The following ENPP2 variants were observed in gnomAD, a reference collection of about 807,000 sequenced individuals.
ENPP2 encodes autotaxin.
Under a neutral mutation model 120.2 loss-of-function variants are expected in ENPP2, and 51 were observed. That is an observed-to-expected ratio of 0.42 (90% CI 0.34 to 0.54). ENPP2 has a LOEUF of 0.54. Ranked by LOEUF, ENPP2 falls within the 20% of genes least tolerant of loss-of-function variation. The probability of loss-of-function intolerance (pLI) is 0.04; values close to 1 mark genes in which losing one functional copy is unlikely to be tolerated. For synonymous variants in ENPP2, 365 were observed against 366.4 expected (o/e 1.00, Z 0.04); for missense variants, 920 against 1,066.5 (o/e 0.86, Z 1.91).
chr8:119,603,101 C>T (rs897928482), intron 9 of ENPP2, among the ~76,000 whole-genome samples: 1 of 152,102 alleles, frequency 6.6e-6, no homozygotes, highest in African/African-American at 2.4e-5. Context: ...ATCACTATAT[C>T]CTATAATTGA....
chr8:119,641,137 A>T (rs1336533554), upstream of ENPP2, among the ~76,000 whole-genome samples: 1 of 152,208 alleles, frequency 6.6e-6, no homozygotes, highest in Non-Finnish European at 1.5e-5. Flanking sequence ...ATGAACACAT[A>T]CACGCACACA....
At chr8:119,618,531 G>A in intron 5 of ENPP2, 1 of 332,388 alleles carries the variant, frequency 3.0e-6, no homozygotes, top group Non-Finnish European at 5.8e-6. Flanking sequence ...GAAGCCAGAT[G>A]TCCCACTGCC....
At position 119,638,443 on chromosome 8, in the gene ENPP2, C is replaced by G; in HGVS notation, c.118G>C (p.Glu40Gln). The change falls in exon 2 of 25, where the codon GAG becomes CAG. Residue 40 changes from glutamate (E) to glutamine (Q), a missense_variant. By Grantham distance (29) the Glu-to-Gln change is conservative. Transcript: ENST00000075322. ...CACTTACCTGTAGGAGGACCTTCCT[C>G]CCATCCTTCTGCTCTCTTAATTCGA... ...AHRIKRAEGWEEGPPTVLSDS... is the reference protein window; with the variant it reads ...AHRIKRAEGWQEGPPTVLSDS... 1.9e-6 allele frequency: 3 copies of G among 1,601,536 alleles called. No homozygotes were observed. The highest frequency in any genetic ancestry group is 1.3e-5 in the African/African-American group (1 of 74,754).
chr8:119,666,021 T>C (rs1234578164), intron 1 of ENPP2, among the ~76,000 whole-genome samples: 1 of 152,238 alleles, frequency 6.6e-6, no homozygotes, highest in Non-Finnish European at 1.5e-5. Flanking sequence ...TTGAAGATTA[T>C]GTTTTTGAAA....
chr8:119,606,262 G>A (rs757389627), intron 9 of ENPP2, among the ~76,000 whole-genome samples: 5 of 152,152 alleles, frequency 3.3e-5, no homozygotes, highest in Admixed American at 6.5e-5. Context: ...GAAAGCTACA[G>A]ACATCTTTGG....
At chr8:119,585,117 G>A (rs1230618803) in intron 15 of ENPP2, among the ~76,000 whole-genome samples, 1 of 152,054 alleles carries the variant, frequency 6.6e-6, no homozygotes, top group Non-Finnish European at 1.5e-5. Context: ...CCCCTTCCAA[G>A]CTGCCCCATA....
chr8:119,603,540 C>G (rs1361640833), intron 9 of ENPP2, among the ~76,000 whole-genome samples: 4 of 152,108 alleles, frequency 2.6e-5, no homozygotes. Context: ...GGCAAGTTAT[C>G]TAAACTTTTG....
chr8:119,648,636 G>A (rs1221071137), intron 1 of ENPP2, among the ~76,000 whole-genome samples: 2 of 152,216 alleles, frequency 1.3e-5, no homozygotes, highest in Non-Finnish European at 2.9e-5. Context: ...AACTCTCTCA[G>A]GGAGGAAGCA....
intron 19 of ENPP2, chr8:119,571,138 T>C (rs1265213012): frequency 2.5e-5 from 5 of 196,700 alleles, no homozygotes; most frequent in African/African-American, 6.9e-5. Context: ...CATTATGTAA[T>C]AAATTTTGAA....
rs570811442 is a variant in ENPP2, at chr8:119,650,492, A to G, written c.22-11965T>C. Reference sequence around the variant, plus strand: ...TATAATATATAAATTATATCCCAAAAAAGCTATTTTAAAAAAGAACCGAGA... The same window carrying G: ...TATAATATATAAATTATATCCCAAAGAAGCTATTTTAAAAAAGAACCGAGA... On this transcript the variant is annotated intron_variant, in intron 1 of 25. Transcript: ENST00000427067. Among the ~76,000 whole-genome samples, 299 of 152,324 alleles carry G rather than the reference A, an allele frequency of 2.0e-3. 1 individual carries two copies. The highest frequency in any genetic ancestry group is 6.9e-3 in the African/African-American group (288 of 41,576).
intron 19 of ENPP2, among the ~76,000 whole-genome samples, chr8:119,577,527 G>C (rs944311118): frequency 1.3e-5 from 2 of 152,224 alleles, no homozygotes; most frequent in Non-Finnish European, 2.9e-5. Flanking sequence ...ACAGCGATAG[G>C]AGAGAGCAAC....
intron 4 of ENPP2, 94 bp from the exon 5 acceptor site, chr8:119,619,398 C>T: frequency 3.7e-6 from 3 of 808,786 alleles, no homozygotes; most frequent in Non-Finnish European, 6.0e-6. Flanking sequence ...CTGTTTGATA[C>T]TTTCTTTATG....
At position 119,656,964 on chromosome 8, in the gene ENPP2, G is replaced by A. The variant is rs540432250; in HGVS notation, c.21+16288C>T. On this transcript the variant is annotated intron_variant, in intron 1 of 25. Transcript: ENST00000427067. ...ATTTTTTGAGATGGAGTCTCATTCC[G>A]TTGCCCAGGCTAGAGTGCAATGGCA... is the stretch of plus-strand genomic sequence containing the variant. 5.3e-5 allele frequency among the ~76,000 whole-genome samples: 8 copies of A among 151,814 alleles called. No homozygotes were observed. In the East Asian group the frequency reaches 5.8e-4, roughly 11 times the overall value.
intron 19 of ENPP2, chr8:119,572,108 C>A (rs1815047261): frequency 2.3e-6 from 2 of 851,396 alleles, no homozygotes; most frequent in Non-Finnish European, 3.8e-6. Flanking sequence ...AAAACACCAG[C>A]AAATCGTAAC....
intron 19 of ENPP2, among the ~76,000 whole-genome samples, chr8:119,579,518 GC>G (rs1812578687): frequency 6.6e-6 from 1 of 151,840 alleles, no homozygotes; most frequent in Admixed American, 6.6e-5. Context: ...CCTACAGCCA[GC>G]ACACTAAAAT....
intron 13 of ENPP2, among the ~76,000 whole-genome samples, chr8:119,589,993 C>T (rs1223452123): frequency 6.6e-6 from 1 of 152,148 alleles, no homozygotes; most frequent in Non-Finnish European, 1.5e-5. Flanking sequence ...GGCTTAATAT[C>T]TTTTCCTACT....
intron 2 of ENPP2, among the ~76,000 whole-genome samples, chr8:119,635,973 A>C (rs938343405): frequency 6.6e-6 from 1 of 152,220 alleles, no homozygotes; most frequent in Non-Finnish European, 1.5e-5. Context: ...AAACAACTGC[A>C]TGCTTTTGAA....
intron 24 of ENPP2, among the ~76,000 whole-genome samples, chr8:119,559,331 A>C (rs1554601998): frequency 6.6e-6 from 1 of 152,168 alleles, no homozygotes; most frequent in Non-Finnish European, 1.5e-5. Flanking sequence ...CAGTCAGTCC[A>C]ATTTTTTTCT....
chr8:119,557,358 G>C lies in ENPP2; in HGVS notation c.*163C>G. Reference sequence around the variant, plus strand: ...CAGAACACAAGGCTACCTAAATCAAGCATTAGAGAAAAACAGTGGAGTCAT... The same window carrying C: ...CAGAACACAAGGCTACCTAAATCAACCATTAGAGAAAAACAGTGGAGTCAT... On this transcript the variant is annotated 3_prime_UTR_variant, in exon 25 of 25. Coordinates refer to ENST00000075322, the MANE Select transcript of ENPP2 (RefSeq NM_001040092.3). 1 of 578,456 alleles carries C rather than the reference G, an allele frequency of 1.7e-6. No homozygotes were observed. The highest frequency in any genetic ancestry group is 2.9e-6 in the Non-Finnish European group (1 of 339,764). The allele number at this position is 578,456 out of a possible 1,614,324, so 35.8% of individuals were successfully genotyped here.
Sources: gnomAD v4.1 joint callset for allele counts (sites outside exome capture counted in the v4.1 genomes callset) on GRCh38, gnomAD v4.1.1 for gene constraint, MANE v1.5 for transcripts, NCBI Gene and HGNC (gene_info 2026-07-23, HGNC 2026-07-21) for gene names.